GPHN: variants seen among roughly 807,000 people sequenced by gnomAD.
GPHN encodes the protein gephyrin.
A neutral mutation model predicts 95.5 loss-of-function variants in GPHN; 17 were observed. The ratio of observed to expected loss-of-function variants is 0.18; its 90% CI spans 0.12 to 0.27. The LOEUF is 0.27. Among genes scored for constraint, GPHN ranks in the 10% least tolerant of loss-of-function variants. GPHN has a pLI of 1.00. For synonymous variants in GPHN, 320 were observed against 322.5 expected (o/e 0.99, Z 0.08); for missense variants, 660 against 978.1 (o/e 0.67, Z 4.34).
the GPHN span, among the ~76,000 whole-genome samples, chr14:67,627,256 G>T: frequency 8.2e-5 from 11 of 133,746 alleles, no homozygotes; most frequent in East Asian, 4.3e-4. Flanking sequence ...TCAGTAAGGA[G>T]ATATATATAT....
chr14:67,349,976 T>C, the GPHN span, among the ~76,000 whole-genome samples: 2 of 152,234 alleles, frequency 1.3e-5, no homozygotes. Context: ...CCTCTGCCCC[T>C]AATTAGCCAA....
the GPHN span, among the ~76,000 whole-genome samples, chr14:67,308,486 G>A: frequency 6.6e-6 from 1 of 151,166 alleles, no homozygotes; most frequent in Non-Finnish European, 1.5e-5. Flanking sequence ...TGTCCATTGA[G>A]CAAGTGGAAT....
At position 66,928,924 on chromosome 14, in the gene GPHN, A is replaced by G. The variant is rs910740341; in HGVS notation, c.828+4632A>G. ...TTAAAGACTTGTTTTGTGGCCTAAC[A>G]TATCGTCTGTCCTTGAGAATGATTC... On this transcript the variant is annotated intron_variant, in intron 8 of 22. Transcript: ENST00000478722. Among the ~76,000 whole-genome samples the G allele has an allele frequency of 5.9e-5, 9 of 152,246 alleles. No homozygotes were observed. In the East Asian group the frequency reaches 1.5e-3, roughly 26 times the overall value.
At chr14:67,148,686 G>A (rs1362500526) in intron 18 of GPHN, among the ~76,000 whole-genome samples, 9 of 147,416 alleles carry the variant, frequency 6.1e-5, no homozygotes, top group African/African-American at 1.3e-4. Context: ...TCAGCCTCCC[G>A]AGTAGCTGGG....
Position 66,879,985 on chromosome 14 carries a change from C to T in GPHN, c.341C>T (p.Ala114Val), listed in dbSNP as rs2153533826. The change falls in exon 5 of 23, where the codon GCA becomes GTA. Residue 114 changes from alanine (A) to valine (V), a missense_variant. This residue lies in a region of GPHN where 71 missense variants were observed against 130.8 expected (regional missense o/e 0.54). Coordinates refer to ENST00000478722, the MANE Select transcript of GPHN (RefSeq NM_020806.5). ...IEREAPGMAL[A>V]MLMGSLNVTP... ...CGGGAAGCACCAGGGATGGCCCTGGCAATGCTGATGGGATCACTTAATGTT... is the reference window on the plus strand; with the variant it reads ...CGGGAAGCACCAGGGATGGCCCTGGTAATGCTGATGGGATCACTTAATGTT... 6.2e-7 allele frequency: 1 copy of T among 1,611,164 alleles called. No homozygotes were observed.
intron 8 of GPHN, among the ~76,000 whole-genome samples, chr14:66,928,566 G>A (rs1438824896): frequency 6.6e-6 from 1 of 151,886 alleles, no homozygotes; most frequent in Admixed American, 6.6e-5. Context: ...ACTAATTTGG[G>A]CTTGATTTTC....
chr14:66,841,031 A>ATAGATATAGATG (rs1182344967), intron 4 of GPHN, among the ~76,000 whole-genome samples: 2 of 143,930 alleles, frequency 1.4e-5, no homozygotes, highest in African/African-American at 5.3e-5. Context: ...AGATATAGAT[A>ATAGATATAGATG]TAGGTATAGA....
At chr14:67,226,186 ATTTATT>A in the GPHN span, among the ~76,000 whole-genome samples, 9 of 151,852 alleles carry the variant, frequency 5.9e-5, no homozygotes, top group Non-Finnish European at 1.3e-4. Flanking sequence ...TTACTTGTTT[ATTTATT>A]TTTATTTTTA....
At chr14:67,468,164 G>A in the GPHN span, among the ~76,000 whole-genome samples, 3 of 152,026 alleles carry the variant, frequency 2.0e-5, no homozygotes, top group African/African-American at 7.2e-5. Flanking sequence ...AGTAGAGATG[G>A]GGTTTCACCA....
chr14:66,742,846 C>T (rs1475089622), intron 2 of GPHN, among the ~76,000 whole-genome samples: 1 of 152,296 alleles, frequency 6.6e-6, no homozygotes, highest in African/African-American at 2.4e-5. Flanking sequence ...ACTGCAAGCC[C>T]GGCCTTCTGG....
intron 1 of GPHN, among the ~76,000 whole-genome samples, chr14:66,582,589 G>A (rs552133920): frequency 6.7e-6 from 1 of 149,828 alleles, no homozygotes; most frequent in Admixed American, 6.7e-5. Flanking sequence ...CTGTGTCTAT[G>A]TGTTCTCATT....
chr14:67,696,338 G>A, the GPHN span, among the ~76,000 whole-genome samples: 1 of 152,170 alleles, frequency 6.6e-6, no homozygotes. Context: ...TGGCGTCTGG[G>A]AAATGAAAGG....
intron 2 of GPHN, among the ~76,000 whole-genome samples, chr14:66,754,062 T>A (rs2058471085): frequency 1.3e-5 from 2 of 152,138 alleles, no homozygotes; most frequent in Non-Finnish European, 2.9e-5. Flanking sequence ...TATTTCTGGA[T>A]AGTAATCCAT....
At chr14:67,221,653 A>G in the GPHN span, 12 of 1,443,546 alleles carry the variant, frequency 8.3e-6, no homozygotes, top group Non-Finnish European at 1.1e-5. Flanking sequence ...TAGGTTTGCT[A>G]AACGTGTTTC....
chr14:67,453,021 T>G, the GPHN span, among the ~76,000 whole-genome samples: 1 of 152,198 alleles, frequency 6.6e-6, no homozygotes, highest in Non-Finnish European at 1.5e-5. Flanking sequence ...TGGTCAAGCC[T>G]GTGTGTGCTA....
chr14:67,012,373 T>A (rs941936969), intron 9 of GPHN, among the ~76,000 whole-genome samples: 1 of 152,220 alleles, frequency 6.6e-6, no homozygotes, highest in Non-Finnish European at 1.5e-5. Flanking sequence ...GATGCCTTCA[T>A]TGACTTTTAT....
the GPHN span, among the ~76,000 whole-genome samples, chr14:67,246,049 TATTTGACTGC>T: frequency 6.6e-6 from 1 of 152,096 alleles, no homozygotes; most frequent in Non-Finnish European, 1.5e-5. Context: ...TGTCAAAAGC[TATTTGACTGC>T]ATTTGTTTGG....
rs142382501 is a variant in GPHN at position 67,161,993 on chromosome 14, A to T, written c.1910+2505A>T. ...AAATCATAACACTCTGACTTCAGCC[A>T]TTGTGTAAATGCTGTTATAGTCTGA... On this transcript the variant is annotated intron_variant, in intron 19 of 22. Transcript: ENST00000478722. Among the ~76,000 whole-genome samples the T allele has an allele frequency of 5.8e-3, 881 of 152,294 alleles. 8 individuals are homozygous for T. Among genetic ancestry groups the T allele is most frequent in the Middle Eastern group, 0.024 (7 of 294 alleles).
the GPHN span, among the ~76,000 whole-genome samples, chr14:67,531,973 A>C: frequency 6.6e-6 from 1 of 151,796 alleles, no homozygotes. Context: ...AATCCAGAGA[A>C]CGTGTTTTTG....
Sources: allele counts gnomAD v4.1 joint callset (sites outside exome capture counted in the v4.1 genomes callset), GRCh38; gene constraint gnomAD v4.1.1; regional missense constraint gnomAD v4.1.1; transcripts MANE v1.5; gene names NCBI Gene and HGNC (gene_info 2026-07-23, HGNC 2026-07-21).